COL22A1: variants seen among roughly 807,000 people sequenced by gnomAD.
COL22A1 encodes the protein collagen type XXII alpha 1 chain.
In COL22A1, 221 loss-of-function variants were observed where a neutral mutation model predicts 248.9. That is an observed-to-expected ratio of 0.89 (90% CI 0.80 to 0.99). COL22A1 has a LOEUF of 0.99. COL22A1 is among the 50% of genes least tolerant of loss of function. The probability of loss-of-function intolerance (pLI) is 0.00; values close to 1 mark genes in which losing one functional copy is unlikely to be tolerated. For missense variants in COL22A1, 2,240 were observed against 2,179.0 expected (o/e 1.03, Z -0.56); for synonymous variants, 891 against 793.4 (o/e 1.12, Z -2.07).
At chr8:138,911,845 C>T (rs926381879) in intron 1 of COL22A1, among the ~76,000 whole-genome samples, 4 of 152,178 alleles carry the variant, frequency 2.6e-5, no homozygotes, top group Non-Finnish European at 5.9e-5. Context: ...TTAAAGGATG[C>T]ATGGATCCCT....
chr8:138,620,984 T>TCCAC (rs1564106645), intron 52 of COL22A1, among the ~76,000 whole-genome samples: 5 of 126,058 alleles, frequency 4.0e-5, no homozygotes, highest in East Asian at 2.3e-4. Flanking sequence ...CATCCATCCA[T>TCCAC]CCATCCATCC....
At chr8:138,707,269 C>T (rs1192375420) in intron 30 of COL22A1, among the ~76,000 whole-genome samples, 1 of 152,156 alleles carries the variant, frequency 6.6e-6, no homozygotes, top group Non-Finnish European at 1.5e-5. Context: ...AAGAAGGAAT[C>T]CTCCCTAATT....
chr8:138,606,900 A>C (rs1044504540), intron 57 of COL22A1, among the ~76,000 whole-genome samples: 7 of 152,146 alleles, frequency 4.6e-5, no homozygotes, highest in African/African-American at 1.2e-4. Flanking sequence ...CAGTACTTCC[A>C]GGATCAACTC....
intron 44 of COL22A1, among the ~76,000 whole-genome samples, chr8:138,658,620 C>T (rs539937174): frequency 1.3e-3 from 196 of 152,320 alleles, no homozygotes; most frequent in African/African-American, 4.5e-3. Context: ...ATTGGTCTTT[C>T]CTGGACTCCT....
chr8:138,834,760 G>A (rs1201166363), intron 4 of COL22A1, among the ~76,000 whole-genome samples: 1 of 152,316 alleles, frequency 6.6e-6, no homozygotes, highest in Admixed American at 6.5e-5. Flanking sequence ...TATATTTACT[G>A]TTTTCTCATC....
At chr8:138,757,939 C>T (rs992298468) in intron 18 of COL22A1, among the ~76,000 whole-genome samples, 1 of 152,234 alleles carries the variant, frequency 6.6e-6, no homozygotes, top group African/African-American at 2.4e-5. Flanking sequence ...GGGGACCTCC[C>T]ACACCATCCC....
At chr8:138,831,597 G>A (rs1293718317) in intron 5 of COL22A1, among the ~76,000 whole-genome samples, 1 of 152,144 alleles carries the variant, frequency 6.6e-6, no homozygotes, top group East Asian at 1.9e-4. Context: ...CAGGGCACGT[G>A]TCCCAGGTAG....
chr8:138,636,735 T>A lies in COL22A1; in HGVS notation c.3555+7A>T. 6.2e-7 allele frequency: 1 copy of A among 1,610,578 alleles called. No homozygotes were observed. The highest frequency in any genetic ancestry group is 8.5e-7 in the Non-Finnish European group (1 of 1,177,010). On this transcript the variant is annotated splice_region_variant and intron_variant, in intron 48 of 64. Transcript: ENST00000303045. ...GGTGAATGGTTCCTTATAAAGTAAA[T>A]TTTTACCTGATCACCTTTCTGCCCA...
chr8:138,755,794 T>C lies in COL22A1; in HGVS notation c.1938A>G (p.Pro646=). The change falls in exon 19 of 65, where the codon CCA becomes CCG. Residue 646 remains proline, a synonymous_variant. Transcript: ENST00000303045. ...DVGPAGPPGV[P]GSVVQQEGLK... ...ACCACTGCTGACTCACCACTGAGCC[T>C]GGTACACCAGGTGGCCCCGCAGGTC... 1 of 1,614,170 alleles carries C rather than the reference T, an allele frequency of 6.2e-7. No individual in the cohort carries two copies.
At chr8:138,761,170 G>A (rs1210143085) in intron 17 of COL22A1, among the ~76,000 whole-genome samples, 5 of 152,134 alleles carry the variant, frequency 3.3e-5, no homozygotes, top group Non-Finnish European at 5.9e-5. Context: ...CCAGCACTAG[G>A]TCTGTGTGCT....
At chr8:138,668,285 T>C (rs1033613871) in intron 41 of COL22A1, among the ~76,000 whole-genome samples, 3 of 152,186 alleles carry the variant, frequency 2.0e-5, no homozygotes, top group Non-Finnish European at 4.4e-5. Context: ...AGGAAAACCA[T>C]GGTCATTGGC....
chr8:138,795,528 G>GAC (rs6150850), intron 12 of COL22A1, among the ~76,000 whole-genome samples: 2,726 of 144,838 alleles, frequency 0.019, 33 homozygotes, highest in East Asian at 0.045. Flanking sequence ...CTCTCTTTCA[G>GAC]ACACACACAC....
intron 57 of COL22A1, among the ~76,000 whole-genome samples, chr8:138,607,193 T>C (rs1818491197): frequency 6.6e-6 from 1 of 152,156 alleles, no homozygotes; most frequent in Non-Finnish European, 1.5e-5. Flanking sequence ...GTCACCGCAG[T>C]ATCCGAAGTA....
At chr8:138,878,387 G>A (rs1176223910) in intron 2 of COL22A1, 71 bp from the exon 3 acceptor site, 114 of 1,236,176 alleles carry the variant, frequency 9.2e-5, no homozygotes, top group Middle Eastern at 2.0e-4. Context: ...GGGTATACAG[G>A]TCACTGGGGT....
At chr8:138,725,293 A>G in intron 24 of COL22A1, 94 bp downstream of exon 24, 1 of 1,293,884 alleles carries the variant, frequency 7.7e-7, no homozygotes, top group East Asian at 2.3e-5. Context: ...GGGTGGATAA[A>G]AGACAAGAGG....
intron 41 of COL22A1, among the ~76,000 whole-genome samples, chr8:138,670,134 G>T (rs1207592090): frequency 2.0e-5 from 3 of 152,114 alleles, no homozygotes; most frequent in Non-Finnish European, 4.4e-5. Flanking sequence ...CAATTCACCT[G>T]CCTTGGCCTC....
intron 31 of COL22A1, among the ~76,000 whole-genome samples, chr8:138,701,218 A>G (rs537225170): frequency 6.6e-6 from 1 of 152,270 alleles, no homozygotes; most frequent in South Asian, 2.1e-4. Context: ...TTGTTGATGC[A>G]TCTTGTTCTT....
At position 138,773,107 on chromosome 8, in the gene COL22A1, G is replaced by T. The variant is rs551457615; in HGVS notation, c.1803+2859C>A. Among the ~76,000 whole-genome samples, 133 of 152,284 alleles carry T rather than the reference G, an allele frequency of 8.7e-4. 1 individual carries two copies. The highest frequency in any genetic ancestry group is 3.1e-3 in the African/African-American group (130 of 41,558). On this transcript the variant is annotated intron_variant, in intron 16 of 64. Coordinates refer to ENST00000303045, the MANE Select transcript of COL22A1 (RefSeq NM_152888.3). ...CAAAAAACATTCTTTTTGCACTTCA[G>T]ATTAGTGCTGTGTGACTTACACCCA...
intron 22 of COL22A1, among the ~76,000 whole-genome samples, chr8:138,749,194 T>C (rs1832385771): frequency 6.6e-6 from 1 of 152,126 alleles, no homozygotes; most frequent in South Asian, 2.1e-4. Context: ...GAACTGTGAG[T>C]CCATTAACTC....
Sources: gnomAD v4.1 joint callset for allele counts (sites outside exome capture counted in the v4.1 genomes callset) on GRCh38, gnomAD v4.1.1 for gene constraint, MANE v1.5 for transcripts, NCBI Gene and HGNC (gene_info 2026-07-23, HGNC 2026-07-21) for gene names.